The following STRN variants were observed in gnomAD, a reference collection of about 807,000 sequenced individuals.
STRN encodes protein phosphatase 2 regulatory subunit B'''alpha.
STRN carries 53 observed loss-of-function variants against 96.3 expected under a neutral mutation model. That is an observed-to-expected ratio of 0.55 (90% CI 0.44 to 0.69). STRN has a LOEUF of 0.69. Among genes scored for constraint, STRN ranks in the 30% least tolerant of loss-of-function variants. The pLI is 0.00. For missense variants in STRN, 987 were observed against 963.9 expected (o/e 1.02, Z -0.32); for synonymous variants, 428 against 355.9 (o/e 1.20, Z -2.28).
chr2:36,886,617 GAA>G, intron 8 of STRN, 97 bp downstream of exon 8: 1 of 910,536 alleles, frequency 1.1e-6, no homozygotes, highest in Non-Finnish European at 1.7e-6. Context: ...GAGCAGAAAT[GAA>G]AAAGAGTAAG....
intron 3 of STRN, among the ~76,000 whole-genome samples, chr2:36,915,312 T>C (rs1324598828): frequency 1.4e-5 from 2 of 143,344 alleles, no homozygotes; most frequent in African/African-American, 2.5e-5. Context: ...GTAAATGATA[T>C]AAATGAACAT....
intron 1 of STRN, among the ~76,000 whole-genome samples, chr2:36,962,183 T>C (rs1458430801): frequency 1.3e-5 from 2 of 152,286 alleles, no homozygotes; most frequent in East Asian, 1.9e-4. Flanking sequence ...TGAAAAATAT[T>C]TGGGGAGTGA....
intron 5 of STRN, among the ~76,000 whole-genome samples, chr2:36,900,287 A>G (rs1669648829): frequency 6.6e-6 from 1 of 152,154 alleles, no homozygotes; most frequent in African/African-American, 2.4e-5. Flanking sequence ...CATTTTAAAA[A>G]TATTTTTATT....
intron 3 of STRN, among the ~76,000 whole-genome samples, chr2:36,915,663 G>A (rs1046403276): frequency 2.0e-5 from 3 of 152,152 alleles, no homozygotes; most frequent in Non-Finnish European, 4.4e-5. Context: ...TTTGGGATGA[G>A]GAATTCCTCC....
chr2:36,876,751 A>T (rs1668922986), intron 10 of STRN, among the ~76,000 whole-genome samples: 2 of 143,512 alleles, frequency 1.4e-5, no homozygotes, highest in Admixed American at 6.9e-5. Context: ...AATTATAAAC[A>T]TTTTTTTTTT....
intron 7 of STRN, among the ~76,000 whole-genome samples, chr2:36,893,582 T>C (rs78037027): frequency 0.011 from 1,738 of 152,244 alleles, 36 homozygotes; most frequent in East Asian, 0.088. Context: ...CCAACTAAAG[T>C]CTCATAATCA....
chr2:36,852,927 C>T (rs1256632081), intron 15 of STRN, among the ~76,000 whole-genome samples: 1 of 152,152 alleles, frequency 6.6e-6, no homozygotes, highest in East Asian at 1.9e-4. Flanking sequence ...GAGGCCGAGG[C>T]AGGCGGATCA....
chr2:36,939,531 A>C (rs1263217189), intron 1 of STRN, among the ~76,000 whole-genome samples: 1 of 151,966 alleles, frequency 6.6e-6, no homozygotes, highest in East Asian at 1.9e-4. Flanking sequence ...TTCAACATCT[A>C]TTCTTTCCTT....
chr2:36,849,680 G>C (rs747312760), intron 17 of STRN, 34 bp downstream of exon 17: 8 of 1,613,334 alleles, frequency 5.0e-6, no homozygotes, highest in Non-Finnish European at 6.8e-6. Flanking sequence ...AAAATGGTAA[G>C]GACAAATAAA....
Position 36,886,614 on chromosome 2 carries a change from A to G in STRN, c.1042+102T>C, listed in dbSNP as rs939734497. On this transcript the variant is annotated intron_variant, in intron 8 of 17. Transcript: ENST00000263918. ...GAAAAGGAAAGAGGTCAGGAGCAGA[A>G]ATGAAAAAGAGTAAGTAGATTTAGG... 4.6e-6 allele frequency: 4 copies of G among 873,966 alleles called. No homozygotes were observed. The African/African-American group carries it at 6.8e-5, about 15-fold the overall frequency. 54.1% of individuals were successfully genotyped at this position (873,966 alleles called of 1,614,324 possible).
rs1006878598 is a variant in STRN at position 36,838,189 on chromosome 2, C to G, written c.*11267G>C. Among the ~76,000 whole-genome samples, 3 of 152,076 alleles carry G rather than the reference C, an allele frequency of 2.0e-5. No homozygotes were observed. Among genetic ancestry groups the G allele is most frequent in the Non-Finnish European group, 2.9e-5 (2 of 68,010 alleles). On this transcript the variant is annotated 3_prime_UTR_variant, in exon 18 of 18. Transcript: ENST00000263918. ...GGCAAGCTTTGAAGGTGGAAGGGAC[C>G]ACGTGCAAGGACCACGGAGCAACCT...
chr2:36,966,227 T>C lies in STRN; in HGVS notation c.234+3A>G. On this transcript the variant is annotated splice_donor_region_variant and intron_variant, in intron 1 of 17. Transcript: ENST00000263918. Reference sequence around the variant, plus strand: ...AAGACGGCCAGGCCGGGAGGGTCTTTACCTGCAGCTCCGCCCGCTCCACCT... The same window carrying C: ...AAGACGGCCAGGCCGGGAGGGTCTTCACCTGCAGCTCCGCCCGCTCCACCT... The C allele has an allele frequency of 6.4e-7, 1 of 1,560,070 alleles. No homozygotes were observed. Among genetic ancestry groups the C allele is most frequent in the Non-Finnish European group, 8.7e-7 (1 of 1,155,220 alleles).
chr2:36,891,021 G>A (rs956143682), intron 7 of STRN, among the ~76,000 whole-genome samples: 2 of 152,046 alleles, frequency 1.3e-5, no homozygotes, highest in East Asian at 1.9e-4. Flanking sequence ...TTTGGATTTT[G>A]GAATATTTGT....
rs148789515 is a variant in STRN, at chr2:36,884,314, A to G, written c.1043-239T>C. 2.1e-3 allele frequency among the ~76,000 whole-genome samples: 323 copies of G among 152,336 alleles called. 5 individuals carry two copies. Among genetic ancestry groups the G allele is most frequent in the African/African-American group, 7.5e-3 (310 of 41,586 alleles). On this transcript the variant is annotated intron_variant, in intron 8 of 17. Transcript: ENST00000263918. ...GATATCACTATTTACATAAAAAAGA[A>G]TGCTCGTGTCCAGTTAGACCATGAA...
At chr2:36,896,224 G>T (rs1398802208) in intron 6 of STRN, among the ~76,000 whole-genome samples, 2 of 152,124 alleles carry the variant, frequency 1.3e-5, no homozygotes, top group East Asian at 3.9e-4. Context: ...TAGGTATTAA[G>T]TAATAAAAGC....
At position 36,849,451 on chromosome 2, in the gene STRN, T is replaced by C. The variant is rs62132521; in HGVS notation, c.*5A>G. On this transcript the variant is annotated 3_prime_UTR_variant, in exon 18 of 18. Transcript: ENST00000263918. ...ACAGCTAGAAGGTGAAGATGATGCA[T>C]TGCGTCATACAAAGACTTTAGCCAG... The C allele has an allele frequency of 0.11, 182,861 of 1,613,422 alleles. 16,337 individuals carry two copies. Among genetic ancestry groups the C allele is most frequent in the East Asian group, 0.58 (25,847 of 44,856 alleles).
intron 12 of STRN, among the ~76,000 whole-genome samples, chr2:36,865,287 C>T (rs1193030325): frequency 1.3e-5 from 2 of 152,086 alleles, no homozygotes; most frequent in Non-Finnish European, 2.9e-5. Flanking sequence ...CAGTTTCTGG[C>T]TGGTTTTTGT....
chr2:36,884,694 T>A (rs1669165226), intron 8 of STRN, among the ~76,000 whole-genome samples: 1 of 152,196 alleles, frequency 6.6e-6, no homozygotes, highest in South Asian at 2.1e-4. Flanking sequence ...CAACTATTTT[T>A]AAGCAATTTT....
chr2:36,841,173 T>G lies in STRN; in HGVS notation c.*8283A>C, dbSNP rs965581449. ...AAATAAGGAGCACATTCTTTTTTTT[T>G]TTTTTTAATCAAATCGATTCTGACA... On this transcript the variant is annotated 3_prime_UTR_variant, in exon 18 of 18. Coordinates refer to ENST00000263918, the MANE Select transcript of STRN (RefSeq NM_003162.4). 2 of 152,086 alleles carry G rather than the reference T, an allele frequency of 1.3e-5. No individual in the cohort carries two copies. The highest frequency in any genetic ancestry group is 2.9e-5 in the Non-Finnish European group (2 of 68,020). The allele number at this position is 152,086 out of a possible 1,614,324, so 9.4% of individuals were successfully genotyped here.
Sources: gnomAD v4.1 joint callset for allele counts (sites outside exome capture counted in the v4.1 genomes callset) on GRCh38, gnomAD v4.1.1 for gene constraint, MANE v1.5 for transcripts, NCBI Gene and HGNC (gene_info 2026-07-23, HGNC 2026-07-21) for gene names.